NRXN3: variants seen among roughly 807,000 people sequenced by gnomAD.
NRXN3 encodes the protein neurexin 3, also known as neurexin III.
NRXN3 carries 32 observed loss-of-function variants against 137.6 expected under a neutral mutation model. The observed-to-expected ratio is 0.23, with a 90% CI of 0.18 to 0.31. The LOEUF (loss-of-function observed/expected upper bound fraction) is 0.31, where lower values mean the gene tolerates loss of function less well. NRXN3 is among the 10% of genes least tolerant of loss of function. NRXN3 has a pLI of 1.00. For missense variants in NRXN3, 1,574 were observed against 2,062.5 expected (o/e 0.76, Z 4.59); for synonymous variants, 798 against 784.5 (o/e 1.02, Z -0.29).
At chr14:78,647,280 G>T (rs1247652962) in intron 5 of NRXN3, among the ~76,000 whole-genome samples, 1 of 152,220 alleles carries the variant, frequency 6.6e-6, no homozygotes, top group Non-Finnish European at 1.5e-5. Context: ...TACCCTGGAT[G>T]TTTTTCCCGC....
intron 4 of NRXN3, among the ~76,000 whole-genome samples, chr14:78,399,663 G>A: frequency 6.6e-6 from 1 of 152,174 alleles, no homozygotes; most frequent in East Asian, 1.9e-4. Context: ...TGGTGAATTT[G>A]TGGTTAGTTG....
rs150598201 is a variant in NRXN3 at position 79,066,230 on chromosome 14, A to G, written c.3262+78089A>G. On this transcript the variant is annotated intron_variant, in intron 15 of 20. Coordinates refer to ENST00000335750, the MANE Select transcript of NRXN3 (RefSeq NM_001330195.2). ...ATGGCTAGCTAGTTCTCCCAGCACA[A>G]TTTATTAATTAGGGAATCCTTTCCC... 1.8e-3 allele frequency among the ~76,000 whole-genome samples: 277 copies of G among 152,258 alleles called. 3 individuals carry two copies. The East Asian group carries it at 0.036, about 20-fold the overall frequency.
intron 16 of NRXN3, among the ~76,000 whole-genome samples, chr14:79,617,610 G>A (rs750684319): frequency 9.2e-5 from 14 of 152,206 alleles, no homozygotes; most frequent in South Asian, 2.1e-4. Flanking sequence ...CTAATCTCAC[G>A]TCTTTCTACT....
intron 4 of NRXN3, among the ~76,000 whole-genome samples, chr14:78,338,578 GATAAA>G (rs1021201023): frequency 2.0e-5 from 3 of 152,172 alleles, no homozygotes; most frequent in African/African-American, 7.2e-5. Flanking sequence ...TCCAAAAGTA[GATAAA>G]ATAAACTACA....
chr14:78,839,114 C>T (rs986736042), intron 10 of NRXN3, among the ~76,000 whole-genome samples: 9 of 152,106 alleles, frequency 5.9e-5, no homozygotes, highest in African/African-American at 2.2e-4. Flanking sequence ...AACAACTTGA[C>T]TTCATAAGAG....
Position 79,036,592 on chromosome 14 carries a change from GGTTTTTTTTTTT to G in NRXN3, c.3262+48452_3262+48463del, listed in dbSNP as rs1361586987. 7.6e-5 allele frequency among the ~76,000 whole-genome samples: 8 copies of G among 105,228 alleles called. 1 individual carries two copies. The South Asian group carries it at 2.3e-3, about 31-fold the overall frequency. 69.0% of individuals were successfully genotyped at this position (105,228 alleles called of 152,430 possible). A position where few individuals can be genotyped will look rare whatever the true frequency, so the allele number is the denominator to read the frequency against. On this transcript the variant is annotated intron_variant, in intron 15 of 20. Transcript: ENST00000335750. ...ATTTTATTGTATTGTTTTCGTTTTG[GGTTTTTTTTTTT>G]TTTTTTTTTTTTTTTTTTTTTTAAG...
intron 19 of NRXN3, among the ~76,000 whole-genome samples, chr14:79,796,611 C>T (rs115945631): frequency 3.6e-3 from 542 of 152,228 alleles, no homozygotes; most frequent in African/African-American, 0.012. Flanking sequence ...TCCCAATCCT[C>T]GGCACAAAAT....
chr14:78,410,748 T>G lies in NRXN3; in HGVS notation c.757+112888T>G, dbSNP rs556214245. ...AACTCTGGCAGACTCCTTCTGAGGA[T>G]GATGAAGAAAAGACAAAACTCTCTG... On this transcript the variant is annotated intron_variant, in intron 4 of 20. Coordinates refer to ENST00000335750, the MANE Select transcript of NRXN3 (RefSeq NM_001330195.2). Among the ~76,000 whole-genome samples, 9 of 152,306 alleles carry G rather than the reference T, an allele frequency of 5.9e-5. No homozygotes were observed. The East Asian group carries it at 1.7e-3, about 29-fold the overall frequency.
At chr14:78,981,291 T>C (rs2099488834) in intron 14 of NRXN3, among the ~76,000 whole-genome samples, 1 of 152,230 alleles carries the variant, frequency 6.6e-6, no homozygotes, top group South Asian at 2.1e-4. Flanking sequence ...TTCCCAGTTG[T>C]AGGTCAGAAA....
intron 15 of NRXN3, among the ~76,000 whole-genome samples, chr14:79,252,751 G>A (rs949470229): frequency 6.6e-6 from 1 of 152,124 alleles, no homozygotes; most frequent in Non-Finnish European, 1.5e-5. Context: ...TGAGGGCTGG[G>A]GCAGTCAGCA....
At chr14:79,491,215 G>A (rs2096713724) in intron 16 of NRXN3, among the ~76,000 whole-genome samples, 1 of 152,118 alleles carries the variant, frequency 6.6e-6, no homozygotes, top group Admixed American at 6.5e-5. Flanking sequence ...CTGCTCACAA[G>A]TAGCTGAGGC....
chr14:79,503,594 G>A (rs889622603), intron 16 of NRXN3, among the ~76,000 whole-genome samples: 2 of 152,084 alleles, frequency 1.3e-5, no homozygotes, highest in African/African-American at 4.8e-5. Flanking sequence ...CTTCCCAGAT[G>A]CCCATGAGCA....
chr14:78,457,335 A>T (rs1055253410), intron 4 of NRXN3, among the ~76,000 whole-genome samples: 2 of 152,104 alleles, frequency 1.3e-5, no homozygotes, highest in Non-Finnish European at 2.9e-5. Context: ...CCCAGCCAGG[A>T]TTACTTCTTG....
intron 15 of NRXN3, among the ~76,000 whole-genome samples, chr14:79,343,398 G>A (rs2092709851): frequency 6.6e-6 from 1 of 152,198 alleles, no homozygotes; most frequent in African/African-American, 2.4e-5. Context: ...GAGGTTAGAA[G>A]CAAGATGGAG....
At chr14:78,844,210 C>T (rs1022124931) in intron 10 of NRXN3, among the ~76,000 whole-genome samples, 2 of 152,114 alleles carry the variant, frequency 1.3e-5, no homozygotes, top group African/African-American at 4.8e-5. Flanking sequence ...GTCTCTGCTT[C>T]TCTCTCCGTC....
chr14:79,409,474 G>T (rs573485391), intron 15 of NRXN3, among the ~76,000 whole-genome samples: 141 of 149,318 alleles, frequency 9.4e-4, no homozygotes, highest in Non-Finnish European at 1.6e-3. Context: ...ACATATATAG[G>T]AATCCTATAT....
At chr14:78,778,988 T>G (rs2153022376) in intron 8 of NRXN3, among the ~76,000 whole-genome samples, 1 of 152,064 alleles carries the variant, frequency 6.6e-6, no homozygotes, top group Non-Finnish European at 1.5e-5. Flanking sequence ...TCTGTCGTGG[T>G]GAGTCCACTT....
At chr14:78,388,163 A>C (rs1204616031) in intron 4 of NRXN3, among the ~76,000 whole-genome samples, 1 of 152,196 alleles carries the variant, frequency 6.6e-6, no homozygotes, top group Non-Finnish European at 1.5e-5. Context: ...ACAGGTCAAA[A>C]ACCTGTCACT....
intron 1 of NRXN3, among the ~76,000 whole-genome samples, chr14:78,200,832 G>A (rs564277518): frequency 6.6e-6 from 1 of 152,278 alleles, no homozygotes; most frequent in South Asian, 2.1e-4. Flanking sequence ...ACTTCAGTGG[G>A]AGATCTATTG....
Sources: gnomAD v4.1 joint callset for allele counts (sites outside exome capture counted in the v4.1 genomes callset) on GRCh38, gnomAD v4.1.1 for gene constraint, MANE v1.5 for transcripts, NCBI Gene and HGNC (gene_info 2026-07-23, HGNC 2026-07-21) for gene names.